UPF2: variants seen among roughly 807,000 people sequenced by gnomAD.
UPF2 encodes regulator of nonsense transcripts 2.
A neutral mutation model predicts 141.4 loss-of-function variants in UPF2; 17 were observed. That is an observed-to-expected ratio of 0.12 (90% CI 0.08 to 0.18). The LOEUF is 0.18. Among genes scored for constraint, UPF2 ranks in the 10% least tolerant of loss-of-function variants. The pLI is 1.00. For missense variants in UPF2, 1,152 were observed against 1,515.9 expected, an observed-to-expected ratio of 0.76 and a Z score of 3.99; for synonymous variants, 540 against 498.0, an observed-to-expected ratio of 1.08 and a Z score of -1.12.
intron 9 of UPF2, among the ~76,000 whole-genome samples, chr10:11,978,707 C>T (rs549139729): frequency 2.0e-5 from 3 of 152,260 alleles, no homozygotes; most frequent in African/African-American, 7.2e-5. Flanking sequence ...CTATGTGGCA[C>T]CACACCCGGA....
rs1348956222 is a variant in UPF2 at position 12,035,109 on chromosome 10, T to C, written c.315A>G (p.Gln105=). 1 of 1,588,422 alleles carries C rather than the reference T, an allele frequency of 6.3e-7. No homozygotes were observed. The highest frequency in any genetic ancestry group is 8.5e-7 in the Non-Finnish European group (1 of 1,174,212). ...CTTGCTGACGTTTGGCCTGCTCTTC[T>C]TGCTTCTTTCTCTCTTCCTCTTGAT... ...KKHQEEERKK[Q]EEQAKRQQEE... Residue 105 remains glutamine, a synonymous_variant, in exon 2 of 22, where the codon CAA becomes CAG. Coordinates refer to ENST00000357604, the MANE Select transcript of UPF2 (RefSeq NM_015542.4).
intron 9 of UPF2, among the ~76,000 whole-genome samples, chr10:11,969,945 T>G (rs1833387916): frequency 6.6e-6 from 1 of 152,236 alleles, no homozygotes; most frequent in Non-Finnish European, 1.5e-5. Flanking sequence ...TTATCCTTCC[T>G]TGTATATCTG....
intron 16 of UPF2, among the ~76,000 whole-genome samples, chr10:11,943,868 T>C (rs1217228394): frequency 1.3e-5 from 2 of 151,834 alleles, no homozygotes; most frequent in Admixed American, 6.6e-5. Flanking sequence ...CTGAAATTTC[T>C]TGTCAAACAG....
At position 12,004,557 on chromosome 10, in the gene UPF2, T is replaced by C. The variant is rs778344959; in HGVS notation, c.1477A>G (p.Lys493Glu). The change falls in exon 5 of 22, where the codon AAA becomes GAA. Residue 493 changes from lysine (K) to glutamate (E), a missense_variant. Lys to Glu is a moderately conservative substitution (Grantham distance 56, BLOSUM62 1). Transcript: ENST00000357604. ...TTGGTATCATCTTTGTTGGACTCTT[T>C]ATTCTGACAACTTTTTTCATTGTCT... ...FKDNEKSCQN[K>E]ESNKDDTKEA... The C allele has an allele frequency of 6.2e-7, 1 of 1,613,648 alleles. No homozygotes were observed. Among genetic ancestry groups the C allele is most frequent in the South Asian group, 1.1e-5 (1 of 91,024 alleles).
At chr10:11,969,208 CT>C (rs1833372731) in intron 9 of UPF2, among the ~76,000 whole-genome samples, 1 of 151,576 alleles carries the variant, frequency 6.6e-6, no homozygotes, top group Non-Finnish European at 1.5e-5. Context: ...CATACTGTTG[CT>C]CAGGCTGGAG....
intron 12 of UPF2, among the ~76,000 whole-genome samples, chr10:11,957,987 C>G (rs1262004543): frequency 6.6e-6 from 1 of 152,122 alleles, no homozygotes; most frequent in Admixed American, 6.5e-5. Flanking sequence ...TACTTACTTC[C>G]TAGTTTATGG....
intron 3 of UPF2, among the ~76,000 whole-genome samples, chr10:12,015,009 C>T (rs1623510): frequency 0.16 from 24,928 of 152,088 alleles, 2,512 homozygotes; most frequent in African/African-American, 0.28. Flanking sequence ...ACTGAAAACA[C>T]CAAAATGTAT....
At chr10:11,988,767 C>T (rs1833735291) in intron 8 of UPF2, among the ~76,000 whole-genome samples, 1 of 152,172 alleles carries the variant, frequency 6.6e-6, no homozygotes. Context: ...AACTTGCTAC[C>T]TCCAATACCA....
intron 8 of UPF2, among the ~76,000 whole-genome samples, chr10:11,995,357 AG>A (rs1335788816): frequency 6.6e-6 from 1 of 152,206 alleles, no homozygotes; most frequent in Non-Finnish European, 1.5e-5. Flanking sequence ...TAGCTAAGAA[AG>A]GGCATTACAT....
chr10:12,040,277 CT>C (rs1199468552), intron 1 of UPF2, among the ~76,000 whole-genome samples: 1 of 152,022 alleles, frequency 6.6e-6, no homozygotes, highest in Non-Finnish European at 1.5e-5. Flanking sequence ...CCAAAATTAG[CT>C]GGGCGTGGCA....
In UPF2 at chr10:11,953,259, A is replaced by T. The variant is rs1588534389; in HGVS notation, c.2851-1010T>A. ...CCTTGCTACTCCAAGTGTGGACCTC[A>T]TCTGGGAGCTTCTTAGAAATGTAGA... On this transcript the variant is annotated intron_variant, in intron 14 of 21. Transcript: ENST00000357604. This position sits in a 1 kb window ranked among gnomAD's most constrained non-coding sequence, Gnocchi z 5.0. 6.6e-6 allele frequency among the ~76,000 whole-genome samples: 1 copy of T among 152,282 alleles called. No individual in the cohort carries two copies. Among genetic ancestry groups the T allele is most frequent in the East Asian group, 1.9e-4 (1 of 5,184 alleles).
chr10:11,936,132 G>C lies in UPF2; in HGVS notation c.3546+413C>G, dbSNP rs532548254. Reference sequence around the variant, plus strand: ...CGCCTATAATCCAAGCACTTTGGGAGGCCGAGATGGGCAGATCACCTGAGG... The same window carrying C: ...CGCCTATAATCCAAGCACTTTGGGACGCCGAGATGGGCAGATCACCTGAGG... On this transcript the variant is annotated intron_variant, in intron 19 of 21. Coordinates refer to ENST00000357604, the MANE Select transcript of UPF2 (RefSeq NM_015542.4). The surrounding 1 kb of genome is among the most constrained non-coding windows in gnomAD (Gnocchi z 6.6). Among the ~76,000 whole-genome samples the C allele has an allele frequency of 5.5e-4, 83 of 152,268 alleles. No homozygotes were observed. Among genetic ancestry groups the C allele is most frequent in the African/African-American group, 1.9e-3 (78 of 41,554 alleles).
At chr10:12,017,362 A>G (rs1834240884) in intron 3 of UPF2, among the ~76,000 whole-genome samples, 1 of 152,256 alleles carries the variant, frequency 6.6e-6, no homozygotes, top group African/African-American at 2.4e-5. Context: ...AATCACACTA[A>G]GGATTTCTAA....
rs144955117 is a variant in UPF2 at position 11,940,531 on chromosome 10, CT to C, written c.3378+2133del. On this transcript the variant is annotated intron_variant, in intron 18 of 21. Coordinates refer to ENST00000357604, the MANE Select transcript of UPF2 (RefSeq NM_015542.4). The surrounding 1 kb of genome is among the most constrained non-coding windows in gnomAD (Gnocchi z 4.2). ...TCAAGTGGACACGGCCAAAGGGAAA[CT>C]TTTGCTCATTGGTCCCTTGTTTCCT... 9.4e-3 allele frequency among the ~76,000 whole-genome samples: 1,432 copies of C among 152,290 alleles called. 22 individuals are homozygous for C. Among genetic ancestry groups the C allele is most frequent in the African/African-American group, 0.032 (1,348 of 41,554 alleles).
chr10:12,016,381 T>C lies in UPF2; in HGVS notation c.1146-2197A>G, dbSNP rs1834220196. Among the ~76,000 whole-genome samples the C allele has an allele frequency of 6.6e-6, 1 of 151,834 alleles. No homozygotes were observed. The highest frequency in any genetic ancestry group is 2.4e-5 in the African/African-American group (1 of 41,336). On this transcript the variant is annotated intron_variant, in intron 3 of 21. Coordinates refer to ENST00000357604, the MANE Select transcript of UPF2 (RefSeq NM_015542.4). This position sits in a 1 kb window ranked among gnomAD's most constrained non-coding sequence, Gnocchi z 4.1. ...ACTCGGCCAAAATTAAATAAAATAC[T>C]CGAATAAGTAATGCTCAGAAGTAGG... is the stretch of plus-strand genomic sequence containing the variant.
chr10:11,993,149 CAAAAAA>C (rs561323595), intron 8 of UPF2, among the ~76,000 whole-genome samples: 35,000 of 81,092 alleles, frequency 0.43, 4,907 homozygotes, highest in East Asian at 0.49. Context: ...GGCTCCACCT[CAAAAAA>C]AAAAAAAAAA....
chr10:11,976,062 C>A (rs192160605), intron 9 of UPF2, among the ~76,000 whole-genome samples: 54 of 152,294 alleles, frequency 3.5e-4, no homozygotes, highest in African/African-American at 1.3e-3. Context: ...TCACCAGATT[C>A]CCACCTGAAG....
rs775169373 is a variant in UPF2, at chr10:11,936,742, C to G, written c.3379-30G>C. The G allele has an allele frequency of 1.3e-6, 2 of 1,587,472 alleles. No individual in the cohort carries two copies. The highest frequency in any genetic ancestry group is 1.7e-6 in the Non-Finnish European group (2 of 1,167,106). ...AAGAAATTAAAAAGGACATAATAAA[C>G]ACTCCAAGATATATACGGATATATG... On this transcript the variant is annotated intron_variant, in intron 18 of 21. Coordinates refer to ENST00000357604, the MANE Select transcript of UPF2 (RefSeq NM_015542.4). This position sits in a 1 kb window ranked among gnomAD's most constrained non-coding sequence, Gnocchi z 6.6.
At chr10:11,954,371 G>A (rs777649446) in intron 14 of UPF2, among the ~76,000 whole-genome samples, 2 of 151,660 alleles carry the variant, frequency 1.3e-5, no homozygotes, top group Admixed American at 6.6e-5. Context: ...AGTGACTCAC[G>A]CCTGTTAATC....
Sources: allele counts gnomAD v4.1 joint callset (sites outside exome capture counted in the v4.1 genomes callset), GRCh38; gene constraint gnomAD v4.1.1; non-coding constraint Gnocchi (gnomAD v3.1); transcripts MANE v1.5; gene names NCBI Gene and HGNC (gene_info 2026-07-23, HGNC 2026-07-21).